Variants in HDC observed in about 807,000 individuals in gnomAD.
HDC encodes histidine decarboxylase.
In HDC, 27 loss-of-function variants were observed where a neutral mutation model predicts 64.4. That is an observed-to-expected ratio of 0.42 (90% CI 0.31 to 0.58). HDC has a LOEUF of 0.58. Among genes scored for constraint, HDC ranks in the 20% least tolerant of loss-of-function variants. The probability of loss-of-function intolerance (pLI) is 0.16; values close to 1 mark genes in which losing one functional copy is unlikely to be tolerated. For missense variants in HDC, 711 were observed against 833.9 expected, an observed-to-expected ratio of 0.85 and a Z score of 1.81; for synonymous variants, 305 against 314.2, an observed-to-expected ratio of 0.97 and a Z score of 0.31.
chr15:50,256,414 GGTCTT>G (rs1430483144), intron 4 of HDC, among the ~76,000 whole-genome samples: 1 of 152,186 alleles, frequency 6.6e-6, no homozygotes. Context: ...TTTGAGACAA[GGTCTT>G]ACACTGTCGC....
chr15:50,253,517 T>G, intron 7 of HDC, 83 bp downstream of exon 7: 1 of 1,200,204 alleles, frequency 8.3e-7, no homozygotes, highest in South Asian at 1.2e-5. Context: ...AATAATCCCA[T>G]AGAGCTGGTT....
At position 50,254,669 on chromosome 15, in the gene HDC, A is replaced by G; in HGVS notation, c.442-5T>C. ...AGTGGATTCACTGACCGTGCTCTGCAGGGGAAAAGGATTATCATGGCAGCC... is the reference window on the plus strand; with the variant it reads ...AGTGGATTCACTGACCGTGCTCTGCGGGGGAAAAGGATTATCATGGCAGCC... On this transcript the variant is annotated splice_polypyrimidine_tract_variant and splice_region_variant and intron_variant, in intron 4 of 11. Transcript: ENST00000267845. The G allele has an allele frequency of 1.9e-6, 3 of 1,613,418 alleles. No homozygotes were observed. The highest frequency in any genetic ancestry group is 1.1e-5 in the South Asian group (1 of 91,050).
At position 50,248,056 on chromosome 15, in the gene HDC, G is replaced by A. The variant is rs909014833; in HGVS notation, c.1140+189C>T. On this transcript the variant is annotated intron_variant, in intron 10 of 11. Transcript: ENST00000267845. The surrounding 1 kb of genome is among the most constrained non-coding windows in gnomAD (Gnocchi z 4.3). ...AGGACAGGCATCAGGCAGCCCTCAG[G>A]GCATGTTGTGCTCAGCGCTCCTCTG... Among the ~76,000 whole-genome samples the A allele has an allele frequency of 2.0e-5, 3 of 152,196 alleles. No individual in the cohort carries two copies. The highest frequency in any genetic ancestry group is 7.2e-5 in the African/African-American group (3 of 41,446).
chr15:50,258,571 T>G, intron 2 of HDC, 54 bp from the exon 3 acceptor site: 11 of 1,055,602 alleles, frequency 1.0e-5, no homozygotes, highest in Non-Finnish European at 1.5e-5. Context: ...CAGCAGGCTT[T>G]CTTTCTCCAG....
In HDC at chr15:50,252,519, C is replaced by T. The variant is rs1259413173; in HGVS notation, c.952G>A (p.Val318Ile). ...MVHFDCTGFW[V>I]KDKYKLQQTF... ...TGCTGCAGCTTGTACTTGTCCTTGA[C>T]CCTGTGGGTTTCCAAATGGGCATTA... Residue 318 changes from valine (V) to isoleucine (I), a missense_variant and splice_region_variant, in exon 9 of 12, where the codon GTC becomes ATC. Around this residue, in one of 3 missense-constraint regions of HDC, gnomAD observed 483 missense variants for 540.9 expected, o/e 0.89. Transcript: ENST00000267845. 6.2e-7 allele frequency: 1 copy of T among 1,614,214 alleles called. No homozygotes were observed. The highest frequency in any genetic ancestry group is 8.5e-7 in the Non-Finnish European group (1 of 1,180,032).
chr15:50,262,452 G>A (rs1179314101), intron 2 of HDC, among the ~76,000 whole-genome samples: 5 of 152,176 alleles, frequency 3.3e-5, no homozygotes, highest in Non-Finnish European at 7.3e-5. Context: ...CAGGAAGGGA[G>A]TCGATGCCAC....
intron 2 of HDC, among the ~76,000 whole-genome samples, chr15:50,259,548 G>T (rs1315664298): frequency 1.3e-5 from 2 of 152,290 alleles, no homozygotes; most frequent in East Asian, 3.9e-4. Flanking sequence ...TCACTGCTCT[G>T]CAAGCATGCC....
In HDC at chr15:50,242,505, C is replaced by T. The variant is rs1365725424; in HGVS notation, c.1744G>A (p.Val582Met). The T allele has an allele frequency of 1.2e-6, 2 of 1,614,156 alleles. No individual in the cohort carries two copies. Among genetic ancestry groups the T allele is most frequent in the South Asian group, 1.1e-5 (1 of 91,088 alleles). Residue 582 changes from valine (V) to methionine (M), a missense_variant, in exon 12 of 12, where the codon GTG becomes ATG. By Grantham distance (21) the Val-to-Met change is conservative. Transcript: ENST00000267845. The stretch of plus-strand genomic sequence containing the variant: ...ACACTGTTGCAACTGAGGGAGCGCA[C>T]CGTCTTCTTCTTAGTCTGCACAGAC... ...YLSVQTKKKT[V>M]RSLSCNSVPV...
At chr15:50,243,046 C>G in intron 11 of HDC, 40 bp from the exon 12 acceptor site, 1 of 1,614,082 alleles carries the variant, frequency 6.2e-7, no homozygotes, top group Non-Finnish European at 8.5e-7. Flanking sequence ...CCATCGCACC[C>G]CCTGTCAGCA....
At chr15:50,243,607 A>G (rs1275265835) in intron 10 of HDC, among the ~76,000 whole-genome samples, 2 of 152,236 alleles carry the variant, frequency 1.3e-5, no homozygotes, top group Non-Finnish European at 2.9e-5. Context: ...AACCCAGTCC[A>G]TGCTCTGCGT....
At chr15:50,255,289 G>A (rs545882056) in intron 4 of HDC, among the ~76,000 whole-genome samples, 4 of 152,274 alleles carry the variant, frequency 2.6e-5, no homozygotes, top group Middle Eastern at 3.4e-3. Flanking sequence ...GCCACCTCAG[G>A]AACTTCACAG....
chr15:50,242,807 G>C lies in HDC; in HGVS notation c.1442C>G (p.Ser481Cys), dbSNP rs760522154. ...GTTCCCAACCCGAGGGCTGGGTTGGGAAGTACAGTGCTGACTCAGGATGAG... is the reference window on the plus strand; with the variant it reads ...GTTCCCAACCCGAGGGCTGGGTTGGCAAGTACAGTGCTGACTCAGGATGAG... ...ATLILSQHCT[S>C]QPSPRVGNLI... The change falls in exon 12 of 12, where the codon TCC (serine) becomes TGC (cysteine). Residue 481 changes from serine (S) to cysteine (C), a missense_variant. Ser to Cys is a moderately radical substitution (Grantham distance 112, BLOSUM62 -1). Transcript: ENST00000267845. 43 of 1,614,010 alleles carry C rather than the reference G, an allele frequency of 2.7e-5. No homozygotes were observed. Among genetic ancestry groups the C allele is most frequent in the Non-Finnish European group, 3.3e-5 (39 of 1,180,020 alleles).
At chr15:50,258,713 A>G (rs1302856348) in intron 2 of HDC, among the ~76,000 whole-genome samples, 196 bp from the exon 3 acceptor site, 3 of 152,226 alleles carry the variant, frequency 2.0e-5, no homozygotes, top group South Asian at 4.1e-4. Flanking sequence ...CCCATGTCCT[A>G]TGCTAGATCA....
Position 50,258,408 on chromosome 15 carries a change from G to T in HDC, c.314C>A (p.Thr105Asn). The change falls in exon 3 of 12, where the codon ACC becomes AAC. Residue 105 changes from threonine to asparagine, a missense_variant. Thr to Asn is a moderately conservative substitution (Grantham distance 65, BLOSUM62 0). Transcript: ENST00000267845. Reference protein sequence around the residue: ...LADAINCLGFTWASSPACTEL... With the variant: ...LADAINCLGFNWASSPACTEL... ...GTTACAGCCGTTGCTACTCACCCAG[G>T]TGAATCCCAAGCAGTTGATGGCATC... 2 of 1,598,622 alleles carry T rather than the reference G, an allele frequency of 1.3e-6. No individual in the cohort carries two copies. Among genetic ancestry groups the T allele is most frequent in the Non-Finnish European group, 1.7e-6 (2 of 1,165,942 alleles).
At chr15:50,251,987 T>C (rs921901885) in intron 9 of HDC, among the ~76,000 whole-genome samples, 21 of 152,110 alleles carry the variant, frequency 1.4e-4, no homozygotes, top group Admixed American at 1.4e-3. Context: ...ACCACAGAGC[T>C]GCCCCACAGC....
In HDC at chr15:50,252,417, C is replaced by T. The variant is rs2045568450; in HGVS notation, c.1041+13G>A. The T allele has an allele frequency of 6.2e-7, 1 of 1,612,786 alleles. No homozygotes were observed. The highest frequency in any genetic ancestry group is 1.1e-5 in the South Asian group (1 of 91,072). On this transcript the variant is annotated intron_variant, in intron 9 of 11. Coordinates refer to ENST00000267845, the MANE Select transcript of HDC (RefSeq NM_002112.4). ...ACCCGAGCCCACCAGGCTGCCCGTCCCTGGCCACTCACCATGAAGTCGGTG... is the reference window on the plus strand; with the variant it reads ...ACCCGAGCCCACCAGGCTGCCCGTCTCTGGCCACTCACCATGAAGTCGGTG...
chr15:50,248,293 G>A lies in HDC; in HGVS notation c.1092C>T (p.Phe364=), dbSNP rs760442766. Residue 364 remains phenylalanine, a synonymous_variant, in exon 10 of 12, where the codon TTC becomes TTT. Coordinates refer to ENST00000267845, the MANE Select transcript of HDC (RefSeq NM_002112.4). The surrounding 1 kb of genome is among the most constrained non-coding windows in gnomAD (Gnocchi z 4.3). ...SRRFRSVKLW[F]VIRSFGVKNL... is the part of the protein sequence containing the mutation. ...TCTTCACCCCGAAGGACCGAATCAC[G>A]AACCAGAGTTTAACAGAGCGAAACC... 1.9e-6 allele frequency: 3 copies of A among 1,614,130 alleles called. No homozygotes were observed. Among genetic ancestry groups the A allele is most frequent in the South Asian group, 1.1e-5 (1 of 91,080 alleles).
chr15:50,248,388 C>G lies in HDC; in HGVS notation c.1042-45G>C. The G allele has an allele frequency of 1.4e-6, 2 of 1,382,724 alleles. No individual in the cohort carries two copies. The highest frequency in any genetic ancestry group is 2.3e-5 in the South Asian group (2 of 85,944). 85.7% of individuals were successfully genotyped at this position (1,382,724 alleles called of 1,614,324 possible). ...GTGCCCAAGGTTAGAGACAAGGGTG[C>G]CCCACTCCCTCGGGCATTTCTGGGC... On this transcript the variant is annotated intron_variant, in intron 9 of 11. Transcript: ENST00000267845. The surrounding 1 kb of genome is among the most constrained non-coding windows in gnomAD (Gnocchi z 4.3).
chr15:50,245,589 C>T (rs2045470607), intron 10 of HDC, among the ~76,000 whole-genome samples: 1 of 152,116 alleles, frequency 6.6e-6, no homozygotes, highest in Non-Finnish European at 1.5e-5. Flanking sequence ...ATCCTTTTCT[C>T]ATTTTTATAA....
Sources: gnomAD v4.1 joint callset for allele counts (sites outside exome capture counted in the v4.1 genomes callset) on GRCh38, gnomAD v4.1.1 for gene constraint, gnomAD v4.1.1 regional missense constraint, Gnocchi (gnomAD v3.1) non-coding constraint, MANE v1.5 for transcripts, NCBI Gene and HGNC (gene_info 2026-07-23, HGNC 2026-07-21) for gene names.